RPS6KA2: variants seen among roughly 807,000 people sequenced by gnomAD.
RPS6KA2 encodes ribosomal protein S6 kinase alpha-2.
Under a neutral mutation model 91.8 loss-of-function variants are expected in RPS6KA2, and 42 were observed. That is an observed-to-expected ratio of 0.46 (90% CI 0.36 to 0.59). The LOEUF is 0.59. RPS6KA2 is among the 20% of genes least tolerant of loss of function. The probability of loss-of-function intolerance (pLI) is 0.00; values close to 1 mark genes in which losing one functional copy is unlikely to be tolerated. For synonymous variants in RPS6KA2, 414 were observed against 393.6 expected (o/e 1.05, Z -0.61); for missense variants, 798 against 978.5 (o/e 0.82, Z 2.46).
intron 3 of RPS6KA2, among the ~76,000 whole-genome samples, chr6:166,526,200 G>GA (rs968094221): frequency 7.3e-5 from 11 of 151,126 alleles, no homozygotes; most frequent in Admixed American, 2.6e-4. Context: ...AAATTTTTGG[G>GA]AAAAAAAAAT....
intron 2 of RPS6KA2, among the ~76,000 whole-genome samples, chr6:166,751,172 G>A (rs1411953316): frequency 4.6e-5 from 7 of 152,298 alleles, no homozygotes; most frequent in East Asian, 1.9e-4. Context: ...CAAGTCAGCC[G>A]GAAGTTTTGC....
intron 2 of RPS6KA2, among the ~76,000 whole-genome samples, chr6:166,632,931 G>A (rs572809593): frequency 6.6e-6 from 1 of 152,154 alleles, no homozygotes; most frequent in Non-Finnish European, 1.5e-5. Flanking sequence ...GAAATACCTC[G>A]GGGCCGGGCG....
chr6:166,712,386 T>C (rs1789888809), intron 2 of RPS6KA2, among the ~76,000 whole-genome samples: 1 of 152,242 alleles, frequency 6.6e-6, no homozygotes, highest in African/African-American at 2.4e-5. Context: ...ATGGTTTTTT[T>C]CTTGACATTG....
At chr6:166,616,544 C>G (rs1341237984) in intron 1 of RPS6KA2, among the ~76,000 whole-genome samples, 2 of 152,250 alleles carry the variant, frequency 1.3e-5, no homozygotes, top group Non-Finnish European at 2.9e-5. Context: ...GCACCTTCTA[C>G]AGCCTAGGGA....
intron 1 of RPS6KA2, among the ~76,000 whole-genome samples, chr6:166,567,668 T>G (rs866727270): frequency 2.6e-5 from 4 of 152,336 alleles, no homozygotes; most frequent in South Asian, 4.1e-4. Context: ...ACTGTATCAC[T>G]GAACTGAGCT....
chr6:166,597,576 A>G (rs1355708510), intron 1 of RPS6KA2, among the ~76,000 whole-genome samples: 1 of 152,198 alleles, frequency 6.6e-6, no homozygotes, highest in Non-Finnish European at 1.5e-5. Flanking sequence ...GACATTTAAC[A>G]CATAAAGAAA....
chr6:166,683,183 A>G (rs1279181148), intron 2 of RPS6KA2, among the ~76,000 whole-genome samples: 1 of 152,250 alleles, frequency 6.6e-6, no homozygotes, highest in Non-Finnish European at 1.5e-5. Flanking sequence ...TTAACCATGG[A>G]AACACATGCA....
intron 2 of RPS6KA2, among the ~76,000 whole-genome samples, chr6:166,664,078 C>T (rs1209205668): frequency 3.9e-5 from 6 of 152,206 alleles, no homozygotes; most frequent in South Asian, 2.1e-4. Flanking sequence ...TTGTTAGAAG[C>T]GTTAATAACT....
intron 2 of RPS6KA2, among the ~76,000 whole-genome samples, chr6:166,532,970 C>T (rs758906161): frequency 3.6e-4 from 55 of 152,144 alleles, no homozygotes; most frequent in Admixed American, 1.2e-3. Flanking sequence ...AGCCCTTCTC[C>T]GGGCTCAGGA....
At chr6:166,743,969 C>T (rs1238966738) in intron 2 of RPS6KA2, among the ~76,000 whole-genome samples, 1 of 152,178 alleles carries the variant, frequency 6.6e-6, no homozygotes, top group Non-Finnish European at 1.5e-5. Context: ...CCTTTTAATC[C>T]AGCTTCTGGC....
At chr6:166,745,705 G>A (rs1209796517) in intron 2 of RPS6KA2, among the ~76,000 whole-genome samples, 2 of 152,126 alleles carry the variant, frequency 1.3e-5, no homozygotes, top group Non-Finnish European at 2.9e-5. Flanking sequence ...CCTGGGCGCT[G>A]CGGCAAAAAT....
chr6:166,669,262 C>T (rs1188502047), intron 2 of RPS6KA2, among the ~76,000 whole-genome samples: 1 of 152,156 alleles, frequency 6.6e-6, no homozygotes, highest in Non-Finnish European at 1.5e-5. Flanking sequence ...AGCACCTGCT[C>T]CTTCCCCCGG....
intron 2 of RPS6KA2, among the ~76,000 whole-genome samples, chr6:166,663,131 T>TA (rs1356692859): frequency 6.6e-6 from 1 of 152,110 alleles, no homozygotes; most frequent in Admixed American, 6.5e-5. Context: ...AGCAGACTAA[T>TA]ATGTTAACAG....
intron 1 of RPS6KA2, among the ~76,000 whole-genome samples, chr6:166,552,237 T>G (rs1784042058): frequency 6.6e-6 from 1 of 152,268 alleles, no homozygotes. Flanking sequence ...TTTGTACTAA[T>G]GCCTGCTTAT....
chr6:166,788,651 T>C (rs1778993661), intron 2 of RPS6KA2, among the ~76,000 whole-genome samples: 1 of 151,976 alleles, frequency 6.6e-6, no homozygotes, highest in African/African-American at 2.4e-5. Flanking sequence ...CCACTTGGAC[T>C]CAGGGAGGGG....
intron 3 of RPS6KA2, among the ~76,000 whole-genome samples, chr6:166,527,049 T>G (rs1027680193): frequency 2.6e-5 from 4 of 152,200 alleles, no homozygotes; most frequent in Non-Finnish European, 5.9e-5. Context: ...ATACTTGCAT[T>G]AGGGAGAGTG....
intron 2 of RPS6KA2, among the ~76,000 whole-genome samples, chr6:166,797,787 G>GA (rs529824324): frequency 6.6e-6 from 1 of 152,050 alleles, no homozygotes; most frequent in African/African-American, 2.4e-5. Context: ...GTTTTTATTA[G>GA]AAAAAATATA....
intron 6 of RPS6KA2, among the ~76,000 whole-genome samples, chr6:166,502,482 G>T (rs571794688): frequency 2.6e-5 from 4 of 152,138 alleles, no homozygotes; most frequent in East Asian, 1.9e-4. Flanking sequence ...TAGCTGTAAG[G>T]ATCACGCTGA....
intron 14 of RPS6KA2, among the ~76,000 whole-genome samples, chr6:166,438,229 T>C (rs1163014936): frequency 1.3e-5 from 2 of 152,282 alleles, no homozygotes; most frequent in East Asian, 3.8e-4. Context: ...GTTCTCCTTC[T>C]AAAAATAAGC....
Sources: gnomAD v4.1 joint callset for allele counts (sites outside exome capture counted in the v4.1 genomes callset) on GRCh38, gnomAD v4.1.1 for gene constraint, MANE v1.5 for transcripts, NCBI Gene and HGNC (gene_info 2026-07-23, HGNC 2026-07-21) for gene names.